Variants in LRRC61 observed in about 807,000 individuals in gnomAD.
LRRC61 encodes leucine-rich repeat-containing protein 61.
In LRRC61, 9 loss-of-function variants were observed where a neutral mutation model predicts 15.1. The ratio of observed to expected loss-of-function variants is 0.60; its 90% confidence interval spans 0.36 to 1.04. LRRC61 has a LOEUF of 1.04. Among genes scored for constraint, LRRC61 ranks in the 50% least tolerant of loss-of-function variants. The probability of loss-of-function intolerance (pLI) is 0.01; values close to 1 mark genes in which losing one functional copy is unlikely to be tolerated. For missense variants in LRRC61, 344 were observed against 335.6 expected, an observed-to-expected ratio of 1.03 and a Z score of -0.20; for synonymous variants, 173 against 158.6, an observed-to-expected ratio of 1.09 and a Z score of -0.68.
At chr7:150,326,603 G>C (rs1392067731) in intron 2 of LRRC61, among the ~76,000 whole-genome samples, 1 of 151,144 alleles carries the variant, frequency 6.6e-6, no homozygotes, top group Admixed American at 6.6e-5. Flanking sequence ...AGGATTACTT[G>C]AGCCCAGGAG....
rs1041692777 is a variant in LRRC61 at position 150,330,162 on chromosome 7, G to C, written c.-145+4152G>C. The C allele has an allele frequency of 8.7e-6, 5 of 572,252 alleles. No homozygotes were observed. In the Admixed American group the frequency reaches 9.7e-5, roughly 11 times the overall value. 35.4% of individuals were successfully genotyped at this position (572,252 alleles called of 1,614,324 possible). ...CACCTGCAGCCATTTCTAAGGCTCT[G>C]TGGAGGCCCAGGGACTCCTCACCCA... On this transcript the variant is annotated intron_variant, in intron 2 of 2. Transcript: ENST00000359623. The surrounding 1 kb of genome is among the most constrained non-coding windows in gnomAD (Gnocchi z 4.6).
At position 150,330,981 on chromosome 7, in the gene LRRC61, A is replaced by C; in HGVS notation, c.-145+4971A>C. On this transcript the variant is annotated intron_variant, in intron 2 of 2. Transcript: ENST00000359623. This position sits in a 1 kb window ranked among gnomAD's most constrained non-coding sequence, Gnocchi z 4.6. ...GCTGTCCACCAAGAGCCACTGGGCC[A>C]GCATCATTGTCAAGAAGTATCTGTG... The C allele has an allele frequency of 6.2e-7, 1 of 1,611,978 alleles. No homozygotes were observed. Among genetic ancestry groups the C allele is most frequent in the Non-Finnish European group, 8.5e-7 (1 of 1,179,968 alleles).
chr7:150,326,553 C>T (rs112540351), intron 2 of LRRC61, among the ~76,000 whole-genome samples: 1 of 151,814 alleles, frequency 6.6e-6, no homozygotes, highest in Non-Finnish European at 1.5e-5. Flanking sequence ...TGTGGTGGTG[C>T]ACATCTGAAG....
chr7:150,337,252 G>T lies in LRRC61; in HGVS notation c.391G>T (p.Asp131Tyr). ...GTGCCTGGAGTACCTGCGGCTCCGAGACCCTTTGGCCCGGCTCAGCAACCC... is the reference window on the plus strand; with the variant it reads ...GTGCCTGGAGTACCTGCGGCTCCGATACCCTTTGGCCCGGCTCAGCAACCC... Reference protein sequence around the residue: ...LPCLEYLRLRDPLARLSNPLC... With the variant: ...LPCLEYLRLRYPLARLSNPLC... The change falls in exon 3 of 3, where the codon GAC becomes TAC. Residue 131 changes from aspartate to tyrosine, a missense_variant. Asp to Tyr is a radical substitution (Grantham distance 160). Transcript: ENST00000359623. 1 of 1,603,948 alleles carries T rather than the reference G, an allele frequency of 6.2e-7. No homozygotes were observed.
At chr7:150,322,533 AAAT>A (rs1797639680), upstream of LRRC61, 1 of 152,256 alleles carries the variant, frequency 6.6e-6, no homozygotes, top group Non-Finnish European at 1.5e-5. Context: ...CACCATCATG[AAAT>A]ACTCTATATG....
chr7:150,329,387 G>A (rs1029322368), intron 2 of LRRC61, among the ~76,000 whole-genome samples: 1 of 152,224 alleles, frequency 6.6e-6, no homozygotes, highest in Non-Finnish European at 1.5e-5. Flanking sequence ...GGGAGACGGG[G>A]GACCGAGGTA....
At chr7:150,329,479 G>T (rs143824199) in intron 2 of LRRC61, among the ~76,000 whole-genome samples, 1 of 152,142 alleles carries the variant, frequency 6.6e-6, no homozygotes, top group African/African-American at 2.4e-5. Context: ...GGTCTGCAGC[G>T]GTCCCCCAGC....
rs552191089 is a variant in LRRC61, at chr7:150,333,106, C to T, written c.-144-3612C>T. The stretch of plus-strand genomic sequence containing the variant: ...GGCTCTGCTGTGTGGCATCACCGAG[C>T]GGGCTCATGTTCTGGGAGAGGACTG... On this transcript the variant is annotated intron_variant, in intron 2 of 2. Transcript: ENST00000359623. This position sits in a 1 kb window ranked among gnomAD's most constrained non-coding sequence, Gnocchi z 4.3. Among the ~76,000 whole-genome samples, 33 of 152,194 alleles carry T rather than the reference C, an allele frequency of 2.2e-4. No individual in the cohort carries two copies. The highest frequency in any genetic ancestry group is 7.7e-4 in the East Asian group (4 of 5,178).
At chr7:150,318,192 G>A in the LRRC61 span, among the ~76,000 whole-genome samples, 546 of 152,234 alleles carry the variant, frequency 3.6e-3, 11 homozygotes, top group Non-Finnish European at 4.9e-3. Context: ...GGTTTCCTGC[G>A]GTTTGGATAA....
chr7:150,325,171 G>C (rs940427697), intron 1 of LRRC61, among the ~76,000 whole-genome samples: 1 of 152,214 alleles, frequency 6.6e-6, no homozygotes, highest in Non-Finnish European at 1.5e-5. Flanking sequence ...TCTTCCACTT[G>C]AGGCTTAGGC....
intron 2 of LRRC61, among the ~76,000 whole-genome samples, chr7:150,332,941 C>T (rs544588469): frequency 6.6e-6 from 1 of 152,226 alleles, no homozygotes; most frequent in Non-Finnish European, 1.5e-5. Context: ...GTGTCCTGTA[C>T]CTCACTCGCA....
chr7:150,327,879 A>G (rs2129618187), intron 2 of LRRC61, among the ~76,000 whole-genome samples: 1 of 151,656 alleles, frequency 6.6e-6, no homozygotes, highest in Non-Finnish European at 1.5e-5. Context: ...ACTTAGATAT[A>G]TACTCATATT....
At chr7:150,316,188 ACT>A in the LRRC61 span, among the ~76,000 whole-genome samples, 2 of 152,160 alleles carry the variant, frequency 1.3e-5, no homozygotes, top group African/African-American at 4.8e-5. Flanking sequence ...CAAGAGTGAA[ACT>A]CTGTCTCAAA....
At position 150,333,411 on chromosome 7, in the gene LRRC61, G is replaced by A. The variant is rs757286241; in HGVS notation, c.-144-3307G>A. Among the ~76,000 whole-genome samples the A allele has an allele frequency of 2.0e-5, 3 of 152,204 alleles. No homozygotes were observed. The highest frequency in any genetic ancestry group is 2.1e-4 in the South Asian group (1 of 4,830). ...CTCAGCACCCTCCAATGTGCAGGAC[G>A]GCCTCCACAACCAAGGCTCAGCCTG... On this transcript the variant is annotated intron_variant, in intron 2 of 2. Coordinates refer to ENST00000359623, the MANE Select transcript of LRRC61 (RefSeq NM_001142928.2). The surrounding 1 kb of genome is among the most constrained non-coding windows in gnomAD (Gnocchi z 4.3).
rs753935230 is a variant in LRRC61, at chr7:150,331,005, T to G, written c.-145+4995T>G. On this transcript the variant is annotated intron_variant, in intron 2 of 2. Transcript: ENST00000359623. ...CAGCATCATTGTCAAGAAGTATCTG[T>G]GGGAGAATGAGACCGTTGGAGCCCA... 4.3e-6 allele frequency: 7 copies of G among 1,611,720 alleles called. No individual in the cohort carries two copies. The South Asian group carries it at 7.7e-5, about 18-fold the overall frequency.
intron 1 of LRRC61, among the ~76,000 whole-genome samples, chr7:150,325,310 G>A (rs958319040): frequency 9.9e-5 from 15 of 152,208 alleles, no homozygotes; most frequent in Non-Finnish European, 2.2e-4. Context: ...CTTCCCATGT[G>A]GCCTGGCTAG....
At chr7:150,311,351 G>A in the LRRC61 span, among the ~76,000 whole-genome samples, 12 of 152,264 alleles carry the variant, frequency 7.9e-5, no homozygotes, top group South Asian at 2.1e-4. Flanking sequence ...TTCTAGGCTG[G>A]CCCTCATGTC....
chr7:150,311,248 C>G, the LRRC61 span, among the ~76,000 whole-genome samples: 2 of 152,204 alleles, frequency 1.3e-5, no homozygotes, highest in Non-Finnish European at 2.9e-5. Flanking sequence ...TCCGTCCACA[C>G]AGCTGAAATA....
At chr7:150,310,393 A>G in the LRRC61 span, among the ~76,000 whole-genome samples, 4 of 152,160 alleles carry the variant, frequency 2.6e-5, no homozygotes, top group African/African-American at 7.2e-5. Context: ...CTTGCCTGTT[A>G]CAGCATGGCC....
Sources: gnomAD v4.1 joint callset for allele counts (sites outside exome capture counted in the v4.1 genomes callset) on GRCh38, gnomAD v4.1.1 for gene constraint, Gnocchi (gnomAD v3.1) non-coding constraint, MANE v1.5 for transcripts, NCBI Gene and HGNC (gene_info 2026-07-23, HGNC 2026-07-21) for gene names.